ZNF236: variants seen among roughly 807,000 people sequenced by gnomAD.
ZNF236 encodes zinc finger protein 236.
Under a neutral mutation model 191.2 loss-of-function variants are expected in ZNF236, and 50 were observed. The observed-to-expected ratio is 0.26, with a 90% CI of 0.21 to 0.33. The LOEUF (loss-of-function observed/expected upper bound fraction) is 0.33. ZNF236 is among the 10% of genes least tolerant of loss of function. The probability of loss-of-function intolerance (pLI) is 1.00; values close to 1 mark genes in which losing one functional copy is unlikely to be tolerated. For missense variants in ZNF236, 1,754 were observed against 2,374.5 expected (o/e 0.74, Z 5.43); for synonymous variants, 907 against 928.8 (o/e 0.98, Z 0.43).
chr18:76,876,202 T>C (rs375210303), intron 6 of ZNF236, among the ~76,000 whole-genome samples: 2 of 152,328 alleles, frequency 1.3e-5, no homozygotes, highest in East Asian at 3.9e-4. Flanking sequence ...AGCATACTGA[T>C]GTGTAGATCC....
chr18:76,851,032 T>C (rs1975848363), intron 2 of ZNF236, among the ~76,000 whole-genome samples: 2 of 139,058 alleles, frequency 1.4e-5, no homozygotes, highest in Non-Finnish European at 3.2e-5. Context: ...TCTTTCTTTT[T>C]TTTTTTTTAA....
intron 25 of ZNF236, chr18:76,935,889 G>A (rs559607471): frequency 6.7e-6 from 3 of 446,950 alleles, no homozygotes; most frequent in East Asian, 7.0e-5. Flanking sequence ...TGGAGCAGGC[G>A]GGAGGGTCTG....
intron 10 of ZNF236, among the ~76,000 whole-genome samples, chr18:76,898,347 C>T (rs1052103821): frequency 1.3e-5 from 2 of 152,232 alleles, no homozygotes; most frequent in African/African-American, 4.8e-5. Flanking sequence ...TACTCATTGG[C>T]AATATCCCCC....
intron 1 of ZNF236, among the ~76,000 whole-genome samples, chr18:76,838,088 C>T (rs1975386987): frequency 6.6e-6 from 1 of 152,170 alleles, no homozygotes; most frequent in Non-Finnish European, 1.5e-5. Context: ...AAACTAGGCT[C>T]AAATACTCAT....
At chr18:76,923,592 A>G (rs1262349073) in intron 21 of ZNF236, among the ~76,000 whole-genome samples, 1 of 152,174 alleles carries the variant, frequency 6.6e-6, no homozygotes, top group Non-Finnish European at 1.5e-5. Flanking sequence ...GCAGAAATGA[A>G]TGTCCAAGTT....
chr18:76,867,430 G>T (rs73487076), intron 3 of ZNF236, among the ~76,000 whole-genome samples: 443 of 151,848 alleles, frequency 2.9e-3, no homozygotes, highest in African/African-American at 0.01. Flanking sequence ...GTCTTTTTCT[G>T]CAGTGTAGCT....
chr18:76,860,086 T>C (rs562245481), intron 3 of ZNF236, among the ~76,000 whole-genome samples: 4 of 152,202 alleles, frequency 2.6e-5, no homozygotes, highest in African/African-American at 9.6e-5. Flanking sequence ...AAGCATGTGC[T>C]GTGGAATAAC....
chr18:76,837,437 C>CTTTTTTTTTTTTTTTTTTTTTT (rs71760598), intron 1 of ZNF236, among the ~76,000 whole-genome samples: 63 of 105,854 alleles, frequency 6.0e-4, no homozygotes, highest in Non-Finnish European at 7.8e-4. Context: ...TTTTCTTTTT[C>CTTTTTTTTTTTTTTTTTTTTTT]TTTTTTTTTT....
chr18:76,879,160 T>C (rs985668430), intron 7 of ZNF236, among the ~76,000 whole-genome samples: 14 of 152,338 alleles, frequency 9.2e-5, no homozygotes, highest in Middle Eastern at 6.8e-3. Flanking sequence ...AATCAAAACA[T>C]AGATGTAGTG....
intron 9 of ZNF236, among the ~76,000 whole-genome samples, chr18:76,888,221 G>T (rs1977117666): frequency 6.6e-6 from 1 of 152,128 alleles, no homozygotes; most frequent in South Asian, 2.1e-4. Flanking sequence ...AAATTAGCCG[G>T]GCATGGTGGC....
chr18:76,885,830 C>T (rs537621278), intron 9 of ZNF236: 1 of 152,254 alleles, frequency 6.6e-6, no homozygotes, highest in Admixed American at 6.5e-5. Context: ...GAACATGGGA[C>T]CTCTGCTTCT....
At chr18:76,887,284 AT>A (rs1172704214) in intron 9 of ZNF236, 2 of 152,292 alleles carry the variant, frequency 1.3e-5, no homozygotes, top group African/African-American at 2.4e-5. Flanking sequence ...AGGAAGGAGA[AT>A]GGCTTGAACC....
chr18:76,831,800 G>A (rs1975174548), intron 1 of ZNF236, among the ~76,000 whole-genome samples: 1 of 152,034 alleles, frequency 6.6e-6, no homozygotes, highest in South Asian at 2.1e-4. Context: ...TTTAACATAC[G>A]ATGTTGAGCA....
At chr18:76,959,596 A>ACTTGAACTTTGCAGTGATTTGCTTC (rs1403215776) in intron 28 of ZNF236, 91 bp from the exon 29 acceptor site, 39 of 1,457,886 alleles carry the variant, frequency 2.7e-5, no homozygotes, top group Non-Finnish European at 3.5e-5. Flanking sequence ...CTTGCCACTG[A>ACTTGAACTTTGCAGTGATTTGCTTC]CTTGAACTTT....
At chr18:76,962,265 C>T (rs990827550) in intron 30 of ZNF236, among the ~76,000 whole-genome samples, 7 of 152,044 alleles carry the variant, frequency 4.6e-5, no homozygotes, top group Non-Finnish European at 1.0e-4. Context: ...GTTTCATTCT[C>T]CTAACGTGTG....
chr18:76,878,136 C>A lies in ZNF236; in HGVS notation c.968C>A (p.Thr323Asn). The A allele has an allele frequency of 5.6e-6, 9 of 1,608,602 alleles. No individual in the cohort carries two copies. Among genetic ancestry groups the A allele is most frequent in the Non-Finnish European group, 7.6e-6 (9 of 1,177,446 alleles). The stretch of plus-strand genomic sequence containing the variant: ...CAGAATTCAACAAGTTCTACAGAGA[C>A]TGCTCATGTTTTAACGGTAAGTTTA... ...GPQNSTSSTE[T>N]AHVLTATLFQ... Residue 323 changes from threonine (T) to asparagine (N), a missense_variant, in exon 7 of 31, where the codon ACT (threonine) becomes AAT (asparagine). Physicochemically the swap from Thr to Asn is moderately conservative, Grantham distance 65 (BLOSUM62 0). Around this residue, in one of 5 missense-constraint regions of ZNF236, gnomAD observed 336 missense variants for 495.1 expected, o/e 0.68. Transcript: ENST00000320610.
At chr18:76,906,713 T>C (rs1310969903) in intron 13 of ZNF236, among the ~76,000 whole-genome samples, 2 of 152,188 alleles carry the variant, frequency 1.3e-5, no homozygotes, top group Non-Finnish European at 2.9e-5. Context: ...TGTGCGACCA[T>C]TGTTTGTCAT....
At chr18:76,933,093 T>C (rs1486076191) in intron 25 of ZNF236, among the ~76,000 whole-genome samples, 4 of 152,244 alleles carry the variant, frequency 2.6e-5, no homozygotes, top group Non-Finnish European at 5.9e-5. Context: ...GTTATGCAGC[T>C]GACATTTCTG....
At position 76,849,526 on chromosome 18, in the gene ZNF236, A is replaced by T. The variant is rs775441929; in HGVS notation, c.56A>T (p.Asp19Val). Reference sequence around the variant, plus strand: ...TGTCTATACTTATGCAATTTTATAGATGGAGTTTTAACATTGAATGCGGAG... The same window carrying T: ...TGTCTATACTTATGCAATTTTATAGTTGGAGTTTTAACATTGAATGCGGAG... ...PRESKARGDS[D>V]GVLTLNAENT... The change falls in exon 2 of 31, where the codon GAT becomes GTT. Residue 19 changes from aspartate to valine, a missense_variant and splice_region_variant. Around this residue, in one of 5 missense-constraint regions of ZNF236, gnomAD observed 336 missense variants for 495.1 expected, o/e 0.68. Coordinates refer to ENST00000320610, the MANE Select transcript of ZNF236 (RefSeq NM_001306089.2). The T allele has an allele frequency of 6.2e-7, 1 of 1,603,190 alleles. No homozygotes were observed. Among genetic ancestry groups the T allele is most frequent in the South Asian group, 1.1e-5 (1 of 88,286 alleles).
Sources: gnomAD v4.1 joint callset for allele counts (sites outside exome capture counted in the v4.1 genomes callset) on GRCh38, gnomAD v4.1.1 for gene constraint, gnomAD v4.1.1 regional missense constraint, MANE v1.5 for transcripts, NCBI Gene and HGNC (gene_info 2026-07-23, HGNC 2026-07-21) for gene names.